CA10: variants seen among roughly 807,000 people sequenced by gnomAD.
The protein encoded by CA10 is carbonic anhydrase-related protein 10.
In CA10, 14 loss-of-function variants were observed where a neutral mutation model predicts 44.2. That is an observed-to-expected ratio of 0.32 (90% CI 0.21 to 0.50). The LOEUF (loss-of-function observed/expected upper bound fraction) is 0.50. Among genes scored for constraint, CA10 ranks in the 20% least tolerant of loss-of-function variants. CA10 has a pLI of 0.99. For synonymous variants in CA10, 159 were observed against 141.6 expected, an observed-to-expected ratio of 1.12 and a Z score of -0.87; for missense variants, 350 against 409.7, an observed-to-expected ratio of 0.85 and a Z score of 1.26.
chr17:52,014,904 G>A (rs2144142371), intron 2 of CA10, among the ~76,000 whole-genome samples: 1 of 152,164 alleles, frequency 6.6e-6, no homozygotes, highest in African/African-American at 2.4e-5. Context: ...GGGCAAATAT[G>A]TCAAAGAAGA....
chr17:51,641,242 G>C (rs1024803753), intron 6 of CA10, among the ~76,000 whole-genome samples: 9 of 151,292 alleles, frequency 5.9e-5, no homozygotes, highest in Admixed American at 2.0e-4. Flanking sequence ...GCAAATCCTA[G>C]ATGTCAAGTC....
intron 1 of CA10, among the ~76,000 whole-genome samples, chr17:52,075,145 A>G (rs9906804): frequency 0.44 from 66,712 of 151,962 alleles, 15,087 homozygotes; most frequent in Non-Finnish European, 0.5. Flanking sequence ...AAAAACAATC[A>G]ATATAATCAA....
chr17:51,870,388 G>T (rs377205462), intron 3 of CA10, among the ~76,000 whole-genome samples: 2 of 152,212 alleles, frequency 1.3e-5, no homozygotes, highest in South Asian at 2.1e-4. Flanking sequence ...CAAATGATTT[G>T]TGTAAGCTAA....
At chr17:51,693,928 G>A (rs1915310454) in intron 4 of CA10, among the ~76,000 whole-genome samples, 1 of 152,176 alleles carries the variant, frequency 6.6e-6, no homozygotes, top group Non-Finnish European at 1.5e-5. Flanking sequence ...CCCCCGGCTG[G>A]ACACAGTGGC....
At chr17:51,943,076 C>A (rs1598130847) in intron 2 of CA10, among the ~76,000 whole-genome samples, 1 of 152,068 alleles carries the variant, frequency 6.6e-6, no homozygotes, top group South Asian at 2.1e-4. Flanking sequence ...CATTTCAATA[C>A]CCCCAATAAC....
intron 1 of CA10, among the ~76,000 whole-genome samples, chr17:52,137,025 C>G (rs1598234371): frequency 6.6e-6 from 1 of 151,800 alleles, no homozygotes; most frequent in Admixed American, 6.6e-5. Flanking sequence ...TATATAAATT[C>G]TTCTTCTGTA....
Position 51,734,611 on chromosome 17 carries a change from C to T in CA10, c.465+13022G>A, listed in dbSNP as rs78128212. Among the ~76,000 whole-genome samples, 818 of 152,174 alleles carry T rather than the reference C, an allele frequency of 5.4e-3. 51 individuals carry two copies. The East Asian group carries it at 0.14, about 26-fold the overall frequency. On this transcript the variant is annotated intron_variant, in intron 4 of 8. Coordinates refer to ENST00000451037, the MANE Select transcript of CA10 (RefSeq NM_020178.5). ...CAAGGAATGAGGAATATTCTATTTG[C>T]GGGTCTTCTTTGCAATAATAAACTG... is the stretch of plus-strand genomic sequence containing the variant.
chr17:51,977,982 TCTG>T (rs1984519137), intron 2 of CA10, among the ~76,000 whole-genome samples: 1 of 152,116 alleles, frequency 6.6e-6, no homozygotes, highest in African/African-American at 2.4e-5. Flanking sequence ...GCAAGAATGC[TCTG>T]CTGACACAAT....
intron 2 of CA10, among the ~76,000 whole-genome samples, chr17:52,030,660 A>C (rs1041730983): frequency 2.6e-5 from 4 of 152,142 alleles, no homozygotes; most frequent in Non-Finnish European, 4.4e-5. Flanking sequence ...TGTGGGTCTG[A>C]GTAAAATAGG....
intron 3 of CA10, among the ~76,000 whole-genome samples, chr17:51,841,613 G>A (rs1036021859): frequency 2.6e-5 from 4 of 152,170 alleles, no homozygotes; most frequent in Non-Finnish European, 4.4e-5. Flanking sequence ...AAGAAACCTT[G>A]GTTAGTCTTC....
intron 2 of CA10, among the ~76,000 whole-genome samples, chr17:51,962,939 A>G (rs1433016029): frequency 6.6e-6 from 1 of 152,210 alleles, no homozygotes; most frequent in Non-Finnish European, 1.5e-5. Context: ...ATGGAAATTC[A>G]GAAATGACAA....
chr17:51,949,425 C>T (rs1465646414), intron 2 of CA10, among the ~76,000 whole-genome samples: 2 of 152,114 alleles, frequency 1.3e-5, no homozygotes, highest in African/African-American at 2.4e-5. Context: ...TAACTCTGTG[C>T]CTCTGCCTTC....
chr17:51,995,981 G>T (rs1985221682), intron 2 of CA10, among the ~76,000 whole-genome samples: 1 of 151,962 alleles, frequency 6.6e-6, no homozygotes. Context: ...ACTGTCAAAA[G>T]CCTGCCATCC....
intron 4 of CA10, among the ~76,000 whole-genome samples, chr17:51,660,518 A>T (rs1215939847): frequency 6.6e-6 from 1 of 152,192 alleles, no homozygotes; most frequent in Non-Finnish European, 1.5e-5. Context: ...CAGGTCTCAG[A>T]GTTTTCATTT....
intron 3 of CA10, among the ~76,000 whole-genome samples, chr17:51,752,385 G>A (rs1385147328): frequency 6.6e-6 from 1 of 151,784 alleles, no homozygotes; most frequent in Non-Finnish European, 1.5e-5. Context: ...GAAGCTGCAG[G>A]GGATATCCAG....
rs186649753 is a variant in CA10, at chr17:51,798,109, C to T, written c.280-50291G>A. On this transcript the variant is annotated intron_variant, in intron 3 of 8. Transcript: ENST00000451037. ...TTTTGTTTTGCTCCTTCGCACAATGCACATGCCCTGTCCCTTAATGATGGC... is the reference window on the plus strand; with the variant it reads ...TTTTGTTTTGCTCCTTCGCACAATGTACATGCCCTGTCCCTTAATGATGGC... Among the ~76,000 whole-genome samples the T allele has an allele frequency of 3.0e-4, 45 of 152,274 alleles. No individual in the cohort carries two copies. In the East Asian group the frequency reaches 6.4e-3, roughly 22 times the overall value.
intron 3 of CA10, among the ~76,000 whole-genome samples, chr17:51,855,761 A>G (rs1402792636): frequency 6.6e-6 from 1 of 152,250 alleles, no homozygotes; most frequent in Non-Finnish European, 1.5e-5. Context: ...AAAAGAGGTA[A>G]TGATGAAAGT....
intron 2 of CA10, among the ~76,000 whole-genome samples, chr17:51,932,355 C>T (rs984766969): frequency 2.6e-5 from 4 of 152,148 alleles, no homozygotes; most frequent in Admixed American, 2.6e-4. Context: ...CAGTAGCCAT[C>T]ATTCTTGCCT....
At chr17:51,810,909 C>T (rs1330033044) in intron 3 of CA10, among the ~76,000 whole-genome samples, 1 of 152,148 alleles carries the variant, frequency 6.6e-6, no homozygotes, top group Non-Finnish European at 1.5e-5. Flanking sequence ...ACAAGATCAC[C>T]CTATAATAAT....
Sources: allele counts gnomAD v4.1 joint callset (sites outside exome capture counted in the v4.1 genomes callset), GRCh38; gene constraint gnomAD v4.1.1; transcripts MANE v1.5; gene names NCBI Gene and HGNC (gene_info 2026-07-23, HGNC 2026-07-21).